The following TROAP variants were observed in gnomAD, a reference collection of about 807,000 sequenced individuals.
The protein encoded by TROAP is tastin.
In TROAP, 62 loss-of-function variants were observed where a neutral mutation model predicts 83.4. The observed-to-expected ratio is 0.74, with a 90% CI of 0.61 to 0.92. TROAP has a LOEUF of 0.92. Among genes scored for constraint, TROAP ranks in the 40% least tolerant of loss-of-function variants. The pLI, the probability that TROAP is intolerant of heterozygous loss-of-function variation, is 0.00. For synonymous variants in TROAP, 352 were observed against 386.4 expected (o/e 0.91, Z 1.04); for missense variants, 876 against 985.1 (o/e 0.89, Z 1.48).
rs1448409297 is a variant in TROAP, at chr12:49,323,718, C to T, written c.110C>T (p.Ser37Leu). The change falls in exon 2 of 15, where the codon TCG becomes TTG. Residue 37 changes from serine (S) to leucine (L), a missense_variant. By Grantham distance (145) the Ser-to-Leu change is moderately radical (BLOSUM62 -2). Coordinates refer to ENST00000257909, the MANE Select transcript of TROAP (RefSeq NM_005480.4). ...QKRTPFPTVT[S>L]CAVDQENQDP... ...CGCACGCCTTTCCCCACTGTTACAT[C>T]GTGCGCCGTGGACCAGGAGAACCAA... 3 of 1,614,004 alleles carry T rather than the reference C, an allele frequency of 1.9e-6. No homozygotes were observed. The East Asian group carries it at 6.7e-5, about 36-fold the overall frequency.
At chr12:49,328,175 G>A (rs1407843481) in intron 8 of TROAP, among the ~76,000 whole-genome samples, 1 of 150,240 alleles carries the variant, frequency 6.7e-6, no homozygotes, top group Non-Finnish European at 1.5e-5. Context: ...GCCATGGGGA[G>A]AGGGGTTGAT....
At chr12:49,327,103 A>C in intron 7 of TROAP, 106 bp from the exon 8 acceptor site, 2 of 1,396,218 alleles carry the variant, frequency 1.4e-6, no homozygotes, top group Middle Eastern at 3.6e-4. Context: ...CTAATAGTGC[A>C]ATGGGGCCTA....
rs1943558074 is a variant in TROAP, at chr12:49,330,244, G to A, written c.1399G>A (p.Glu467Lys). The change falls in exon 13 of 15, where the codon GAA becomes AAA. Residue 467 changes from glutamate to lysine, a missense_variant. Physicochemically the swap from Glu to Lys is moderately conservative, Grantham distance 56. Coordinates refer to ENST00000257909, the MANE Select transcript of TROAP (RefSeq NM_005480.4). ...TGGAGGCTCTTCTCTGGATATGGTTGAACTTCAGCCCCTGCTGACTGAGAT... is the reference window on the plus strand; with the variant it reads ...TGGAGGCTCTTCTCTGGATATGGTTAAACTTCAGCCCCTGCTGACTGAGAT... ...LNGGSSLDMV[E>K]LQPLLTEISR... The A allele has an allele frequency of 1.2e-6, 2 of 1,614,148 alleles. No homozygotes were observed. The highest frequency in any genetic ancestry group is 4.5e-5 in the East Asian group (2 of 44,888).
At position 49,323,368 on chromosome 12, in the gene TROAP, G is replaced by T. The variant is rs1193656998; in HGVS notation, c.-6+19G>T. The stretch of plus-strand genomic sequence containing the variant: ...CGGTAAGGTAAGGCACGGGGGTCTT[G>T]AAGGGAACGAAGGCTGCTGGGTTCA... On this transcript the variant is annotated intron_variant, in intron 1 of 14. Transcript: ENST00000257909. 3.7e-6 allele frequency: 2 copies of T among 534,076 alleles called. No homozygotes were observed. The highest frequency in any genetic ancestry group is 6.5e-5 in the Admixed American group (2 of 30,584). The allele number at this position is 534,076 out of a possible 1,614,324, so 33.1% of individuals were successfully genotyped here.
chr12:49,331,414 C>T lies in TROAP; in HGVS notation c.2292+7C>T. ...CGAATGGCAGGATGCCCTGGTGAGACTCCAACCCACAGCCCAGCTGTGGCT... is the reference window on the plus strand; with the variant it reads ...CGAATGGCAGGATGCCCTGGTGAGATTCCAACCCACAGCCCAGCTGTGGCT... On this transcript the variant is annotated splice_region_variant and intron_variant, in intron 14 of 14. Coordinates refer to ENST00000257909, the MANE Select transcript of TROAP (RefSeq NM_005480.4). 6.2e-7 allele frequency: 1 copy of T among 1,611,428 alleles called. No individual in the cohort carries two copies.
intron 3 of TROAP, 104 bp from the exon 4 acceptor site, chr12:49,325,397 A>G (rs1304168241): frequency 4.2e-5 from 51 of 1,206,496 alleles, no homozygotes; most frequent in Non-Finnish European, 5.5e-5. Flanking sequence ...GCCAAATTCA[A>G]TTGAATGAGT....
rs745360688 is a variant in TROAP, at chr12:49,330,641, T to C, written c.1796T>C (p.Ile599Thr). ...TCCTACTGTAGGATTGAGCCTGAGA[T>C]ACCGGAGTCCTCTCGCCAGGAACAG... ...LESYCRIEPE[I>T]PESSRQEQLE... Residue 599 changes from isoleucine to threonine, a missense_variant, in exon 13 of 15, where the codon ATA becomes ACA. Transcript: ENST00000257909. 4 of 1,613,646 alleles carry C rather than the reference T, an allele frequency of 2.5e-6. No individual in the cohort carries two copies. Among genetic ancestry groups the C allele is most frequent in the South Asian group, 1.1e-5 (1 of 91,052 alleles).
chr12:49,331,527 C>T, intron 14 of TROAP, 46 bp from the exon 15 acceptor site: 1 of 1,614,070 alleles, frequency 6.2e-7, no homozygotes, highest in Non-Finnish European at 8.5e-7. Flanking sequence ...GGCTTGGCTA[C>T]AGTGCAAGGT....
intron 7 of TROAP, among the ~76,000 whole-genome samples, 190 bp downstream of exon 7, chr12:49,326,910 A>C (rs977644769): frequency 6.6e-6 from 1 of 152,212 alleles, no homozygotes; most frequent in African/African-American, 2.4e-5. Flanking sequence ...CTTTTGTCTA[A>C]GGAGATGGTC....
Position 49,324,035 on chromosome 12 carries a change from C to A in TROAP, c.335C>A (p.Thr112Lys). 6.2e-7 allele frequency: 1 copy of A among 1,612,852 alleles called. No homozygotes were observed. Among genetic ancestry groups the A allele is most frequent in the Non-Finnish European group, 8.5e-7 (1 of 1,179,214 alleles). The change falls in exon 3 of 15, where the codon ACA becomes AAA. Residue 112 changes from threonine to lysine, a missense_variant and splice_region_variant. By Grantham distance (78) the Thr-to-Lys change is moderately conservative (BLOSUM62 -1). Transcript: ENST00000257909. ...QNVGPGPPAQ[T>K]EAPGTIEFVA... ...GTGGGGCCTGGGCCCCCTGCCCAGA[C>A]AGGTACCTGTTGGAGCCATGGTAAC...
rs762646740 is a variant in TROAP at position 49,330,753 on chromosome 12, C to A, written c.1908C>A (p.Cys636Ter). ...GGCAGTCTGGACCCCCAGGGCCCTG[C>A]CCTAGGGTAGAGCTGGGGGCATCAG... ...TQGQSGPPGP[C>*]PRVELGASEP... The change falls in exon 13 of 15, where the codon TGC (cysteine) becomes TGA (stop). Residue 636 changes from cysteine to a stop codon, truncating the protein, a stop_gained. Coordinates refer to ENST00000257909, the MANE Select transcript of TROAP (RefSeq NM_005480.4). LOFTEE classifies it high-confidence loss of function. 21 of 1,613,876 alleles carry A rather than the reference C, an allele frequency of 1.3e-5. No individual in the cohort carries two copies. Among genetic ancestry groups the A allele is most frequent in the Non-Finnish European group, 2.5e-6 (3 of 1,179,942 alleles).
rs906907962 is a variant in TROAP at position 49,329,153 on chromosome 12, C to T, written c.1021-8C>T. ...TGTCCCTGCTCAGCCACCCACATCT[C>T]TCCCCAGACCTCATATTCAGTGTTG... On this transcript the variant is annotated splice_region_variant and splice_polypyrimidine_tract_variant and intron_variant, in intron 9 of 14. Coordinates refer to ENST00000257909, the MANE Select transcript of TROAP (RefSeq NM_005480.4). The surrounding 1 kb of genome is among the most constrained non-coding windows in gnomAD (Gnocchi z 4.5). 1 of 1,614,184 alleles carries T rather than the reference C, an allele frequency of 6.2e-7. No individual in the cohort carries two copies. Among genetic ancestry groups the T allele is most frequent in the African/African-American group, 1.3e-5 (1 of 75,030 alleles).
intron 8 of TROAP, among the ~76,000 whole-genome samples, chr12:49,328,250 G>C (rs1254445714): frequency 2.6e-5 from 3 of 115,916 alleles, no homozygotes; most frequent in Non-Finnish European, 5.0e-5. Flanking sequence ...TTGAGATGGA[G>C]TTTCACTCTT....
intron 3 of TROAP, chr12:49,324,282 G>A (rs1244091602): frequency 6.8e-7 from 1 of 1,466,360 alleles, no homozygotes; most frequent in Non-Finnish European, 9.5e-7. Context: ...TGAAGCAGGA[G>A]GATCACTGGA....
chr12:49,326,032 G>A, intron 5 of TROAP, 44 bp from the exon 6 acceptor site: 1 of 1,609,636 alleles, frequency 6.2e-7, no homozygotes, highest in South Asian at 1.1e-5. Context: ...AGGGTTTGGG[G>A]TCCACCTCTG....
At position 49,325,876 on chromosome 12, in the gene TROAP, C is replaced by G. The variant is rs773138209; in HGVS notation, c.625C>G (p.Gln209Glu). 3 of 1,613,172 alleles carry G rather than the reference C, an allele frequency of 1.9e-6. No homozygotes were observed. The highest frequency in any genetic ancestry group is 2.5e-6 in the Non-Finnish European group (3 of 1,179,812). ...RGRTLCPQRL[Q>E]ALISPSGPSF... Reference sequence around the variant, plus strand: ...CCGGACATTGTGCCCCCAGAGGCTACAGGCTCTGGTGAGTGCCCTTGAGGG... The same window carrying G: ...CCGGACATTGTGCCCCCAGAGGCTAGAGGCTCTGGTGAGTGCCCTTGAGGG... Residue 209 changes from glutamine to glutamate, a missense_variant, in exon 5 of 15, where the codon CAG (glutamine) becomes GAG (glutamate). Gln to Glu is a conservative substitution (Grantham distance 29). Coordinates refer to ENST00000257909, the MANE Select transcript of TROAP (RefSeq NM_005480.4).
At chr12:49,324,610 G>A (rs936429762) in intron 3 of TROAP, 5 of 157,062 alleles carry the variant, frequency 3.2e-5, no homozygotes, top group African/African-American at 1.2e-4. Flanking sequence ...GACCAGGTGT[G>A]GTGGCTCACG....
In TROAP at chr12:49,330,823, C is replaced by T. The variant is rs778116930; in HGVS notation, c.1978C>T (p.Pro660Ser). Residue 660 changes from proline to serine, a missense_variant, in exon 13 of 15, where the codon CCC becomes TCC. By Grantham distance (74) the Pro-to-Ser change is moderately conservative (BLOSUM62 -1). Transcript: ENST00000257909. ...TAGAAGTCTAGAGTCCAGTCTACCA[C>T]CCTGCTGCAGTCAGTGGGCTCCAGC... Reference protein sequence around the residue: ...EHRSLESSLPPCCSQWAPATT... With the variant: ...EHRSLESSLPSCCSQWAPATT... The T allele has an allele frequency of 2.9e-5, 47 of 1,613,588 alleles. No individual in the cohort carries two copies. The highest frequency in any genetic ancestry group is 3.9e-5 in the Non-Finnish European group (46 of 1,180,006).
In TROAP at chr12:49,326,722, T is replaced by A; in HGVS notation, c.769+2T>A. The A allele has an allele frequency of 6.4e-7, 1 of 1,561,066 alleles. No individual in the cohort carries two copies. The highest frequency in any genetic ancestry group is 8.7e-7 in the Non-Finnish European group (1 of 1,151,034). ...TCCTGGAGACCCCAGTCCAGCCTGG[T>A]AAGTGTTTCTGGCGTGGGGAGAGAA... On this transcript the variant is annotated splice_donor_variant, in intron 7 of 14. Coordinates refer to ENST00000257909, the MANE Select transcript of TROAP (RefSeq NM_005480.4). LOFTEE classifies it high-confidence loss of function.
Sources: allele counts gnomAD v4.1 joint callset (sites outside exome capture counted in the v4.1 genomes callset), GRCh38; gene constraint gnomAD v4.1.1; non-coding constraint Gnocchi (gnomAD v3.1); transcripts MANE v1.5; gene names NCBI Gene and HGNC (gene_info 2026-07-23, HGNC 2026-07-21).